The following HUWE1 variants were observed in gnomAD, a reference collection of about 807,000 sequenced individuals.
HUWE1 encodes the protein HECT, UBA and WWE domain containing E3 ubiquitin protein ligase 1, also known as E3 ubiquitin-protein ligase HUWE1.
HUWE1 carries 18 observed loss-of-function variants against 299.4 expected under a neutral mutation model. That is an observed-to-expected ratio of 0.06 (90% CI 0.04 to 0.09). HUWE1 has a LOEUF of 0.09. Ranked by LOEUF, HUWE1 falls within the 10% of genes least tolerant of loss-of-function variation. HUWE1 has a pLI of 1.00. For synonymous variants in HUWE1, 1,317 were observed against 1,286.1 expected, an observed-to-expected ratio of 1.02 and a Z score of -0.51; for missense variants, 1,832 against 3,462.3, an observed-to-expected ratio of 0.53 and a Z score of 11.82.
In HUWE1 at chrX:53,624,655, T is replaced by C. The variant is rs781821524; in HGVS notation, c.1612A>G (p.Thr538Ala). The change falls in exon 19 of 84, where the codon ACC (threonine) becomes GCC (alanine). Residue 538 changes from threonine (T) to alanine (A), a missense_variant. Physicochemically the swap from Thr to Ala is moderately conservative, Grantham distance 58. Transcript: ENST00000262854. ...IRHVMDGSLP[T>A]SLKHIISNAE... ...TTGCTGATGATGTGTTTCAGGGAGG[T>C]AGGCAGAGAACCATCCATCACTAAA... is the stretch of plus-strand genomic sequence containing the variant. 1.7e-6 allele frequency: 2 copies of C among 1,198,170 alleles called. No homozygotes were observed. Among genetic ancestry groups the C allele is most frequent in the African/African-American group, 1.8e-5 (1 of 56,767 alleles).
Position 53,547,472 on chromosome X carries a change from G to C in HUWE1, c.10636+201C>G, listed in dbSNP as rs961497569. ...GGCAGGGGAGAGAGAGAAAGAGAGA[G>C]ACACAGAGAGACGGGGATGGAGGAA... On this transcript the variant is annotated intron_variant, in intron 68 of 83. Coordinates refer to ENST00000262854, the MANE Select transcript of HUWE1 (RefSeq NM_031407.7). 2.7e-5 allele frequency among the ~76,000 whole-genome samples: 3 copies of C among 111,704 alleles called. No homozygotes were observed. In the Admixed American group the frequency reaches 2.9e-4, roughly 11 times the overall value.
chrX:53,673,972 T>G (rs191074620), intron 3 of HUWE1, among the ~76,000 whole-genome samples: 1 of 111,610 alleles, frequency 9.0e-6, no homozygotes, highest in East Asian at 2.8e-4. Flanking sequence ...CTCTTGCAAC[T>G]TGCCAAAATT....
intron 29 of HUWE1, among the ~76,000 whole-genome samples, chrX:53,597,955 T>C (rs1190941327): frequency 9.0e-6 from 1 of 111,703 alleles, no homozygotes; most frequent in African/African-American, 3.3e-5. Flanking sequence ...TGTCCTGATA[T>C]TGTGCAGAAC....
chrX:53,583,778 C>A lies in HUWE1; in HGVS notation c.5300G>T (p.Gly1767Val). The change falls in exon 42 of 84, where the codon GGA becomes GTA. Residue 1767 changes from glycine (G) to valine (V), a missense_variant. Coordinates refer to ENST00000262854, the MANE Select transcript of HUWE1 (RefSeq NM_031407.7). The part of the protein sequence containing the change: ...VLIRACVSML[G>V]VPVDPDTLHA... ...CAAAGTATCTGGGTCCACAGGGACTCCCAGCATGCTCACGCAGGCCCGGAT... is the reference window on the plus strand; with the variant it reads ...CAAAGTATCTGGGTCCACAGGGACTACCAGCATGCTCACGCAGGCCCGGAT... 8.3e-7 allele frequency: 1 copy of A among 1,209,928 alleles called. No individual in the cohort carries two copies. The highest frequency in any genetic ancestry group is 1.1e-6 in the Non-Finnish European group (1 of 894,408).
intron 3 of HUWE1, among the ~76,000 whole-genome samples, chrX:53,662,050 T>G (rs1282727636): frequency 8.9e-6 from 1 of 111,881 alleles, no homozygotes; most frequent in Non-Finnish European, 1.9e-5. Flanking sequence ...TCAAGAGCAG[T>G]TGGATGTAGT....
At chrX:53,660,734 C>T (rs2068957190) in intron 3 of HUWE1, among the ~76,000 whole-genome samples, 1 of 111,741 alleles carries the variant, frequency 8.9e-6, no homozygotes, top group African/African-American at 3.3e-5. Context: ...TTATTAATGG[C>T]TCTAAGACAT....
At chrX:53,566,591 G>A (rs898098955) in intron 49 of HUWE1, among the ~76,000 whole-genome samples, 1 of 111,052 alleles carries the variant, frequency 9.0e-6, no homozygotes, top group African/African-American at 3.3e-5. Flanking sequence ...CAAAAAGCTG[G>A]GACTACAGGC....
At chrX:53,676,805 T>C (rs2069843404) in intron 3 of HUWE1, among the ~76,000 whole-genome samples, 1 of 112,034 alleles carries the variant, frequency 8.9e-6, no homozygotes, top group Admixed American at 9.4e-5. Context: ...TAGTTATATA[T>C]ACACTTATAT....
At chrX:53,598,845 A>C (rs2064654368) in intron 29 of HUWE1, among the ~76,000 whole-genome samples, 1 of 112,161 alleles carries the variant, frequency 8.9e-6, no homozygotes, top group Non-Finnish European at 1.9e-5. Flanking sequence ...AATAGGCTCT[A>C]CTTGAGCCTA....
rs1409917665 is a variant in HUWE1 at position 53,573,803 on chromosome X, T to A, written c.6259A>T (p.Thr2087Ser). The change falls in exon 47 of 84, where the codon ACC becomes TCC. Residue 2087 changes from threonine to serine, a missense_variant. This residue lies in a region of HUWE1 where 157 missense variants were observed against 252.3 expected (regional missense o/e 0.62). Transcript: ENST00000262854. ...GTGTAGCTGTAGTTGGCAATCAGGG[T>A]AGCAATACCAACATAGGACCTCACC... ...ELVRSYVGIA[T>S]LIANYSYTVG... 1 of 1,209,603 alleles carries A rather than the reference T, an allele frequency of 8.3e-7. No individual in the cohort carries two copies. The highest frequency in any genetic ancestry group is 1.1e-6 in the Non-Finnish European group (1 of 894,537).
chrX:53,544,892 G>GA, intron 71 of HUWE1, 130 bp from the exon 72 acceptor site: 1 of 911,365 alleles, frequency 1.1e-6, no homozygotes, highest in Non-Finnish European at 1.6e-6. Flanking sequence ...GTAGGAAGTA[G>GA]AAAAAAATGG....
intron 3 of HUWE1, among the ~76,000 whole-genome samples, chrX:53,670,758 C>T (rs1557049050): frequency 9.0e-6 from 1 of 111,507 alleles, no homozygotes; most frequent in East Asian, 2.8e-4. Context: ...AACTGCAAAG[C>T]CCTCCAAAGT....
chrX:53,541,707 T>TA (rs1403157852), intron 74 of HUWE1, among the ~76,000 whole-genome samples: 13 of 107,999 alleles, frequency 1.2e-4, no homozygotes, highest in African/African-American at 4.4e-4. Context: ...TCTACAAAGA[T>TA]AAAAAAAATT....
intron 23 of HUWE1, among the ~76,000 whole-genome samples, chrX:53,611,027 T>C (rs139515642): frequency 9.0e-4 from 99 of 110,205 alleles, no homozygotes; most frequent in African/African-American, 3.0e-3. Flanking sequence ...GACAGGTATT[T>C]AGAACTACTT....
At chrX:53,627,966 G>T in intron 15 of HUWE1, 87 bp from the exon 16 acceptor site, 1 of 881,251 alleles carries the variant, frequency 1.1e-6, no homozygotes, top group East Asian at 3.3e-5. Flanking sequence ...ATGTAGTCTG[G>T]GGCCTCAGTA....
In HUWE1 at chrX:53,568,855, T is replaced by C; in HGVS notation, c.6544A>G (p.Ile2182Val). 1 of 1,202,907 alleles carries C rather than the reference T, an allele frequency of 8.3e-7. No homozygotes were observed. Among genetic ancestry groups the C allele is most frequent in the East Asian group, 3.0e-5 (1 of 33,663 alleles). The change falls in exon 49 of 84, where the codon ATC (isoleucine) becomes GTC (valine). Residue 2182 changes from isoleucine (I) to valine (V), a missense_variant. Physicochemically the swap from Ile to Val is conservative, Grantham distance 29. This residue lies in a region of HUWE1 where 157 missense variants were observed against 252.3 expected (regional missense o/e 0.62). Transcript: ENST00000262854. Reference protein sequence around the residue: ...KHARLQAVMCIISTIMESCPS... With the variant: ...KHARLQAVMCVISTIMESCPS... ...CAGGACTCCATGATAGTACTGATGA[T>C]ACACATCACTGCCTGAAGCCTGGGA...
At chrX:53,538,610 C>T (rs1384703160) in intron 76 of HUWE1, 156 bp from the exon 77 acceptor site, 7 of 523,150 alleles carry the variant, frequency 1.3e-5, no homozygotes, top group Non-Finnish European at 2.3e-5. Flanking sequence ...GAGGTGTGAA[C>T]GTGAATCTGA....
rs1556926593 is a variant in HUWE1 at position 53,549,427 on chromosome X, G to T, written c.9567C>A (p.Leu3189=). 3.3e-6 allele frequency: 4 copies of T among 1,211,489 alleles called. No individual in the cohort carries two copies. The highest frequency in any genetic ancestry group is 1.7e-5 in the African/African-American group (1 of 57,842). ...GCTCATCCACAAAAAGTAGGACCAA[G>T]AGACAAGAAAGGGCTTCGTGGTCCA... ...LLLDHEALSC[L]LVLLFVDEPK... Residue 3189 remains leucine, a synonymous_variant, in exon 67 of 84, where the codon CTC becomes CTA. Coordinates refer to ENST00000262854, the MANE Select transcript of HUWE1 (RefSeq NM_031407.7).
intron 28 of HUWE1, among the ~76,000 whole-genome samples, chrX:53,601,389 G>A (rs2064831627): frequency 9.1e-6 from 1 of 109,898 alleles, no homozygotes; most frequent in Admixed American, 9.7e-5. Context: ...TCGTCATGTT[G>A]CCCAAGCGGG....
Sources: allele counts gnomAD v4.1 joint callset (sites outside exome capture counted in the v4.1 genomes callset), GRCh38; gene constraint gnomAD v4.1.1; regional missense constraint gnomAD v4.1.1; transcripts MANE v1.5; gene names NCBI Gene and HGNC (gene_info 2026-07-23, HGNC 2026-07-21).